Variants in CALR observed in about 807,000 individuals in gnomAD.
CALR encodes calreticulin, also known as CRP55.
In CALR, 15 loss-of-function variants were observed where a neutral mutation model predicts 51.1. That is an observed-to-expected ratio of 0.29 (90% CI 0.20 to 0.45). The LOEUF is 0.45. Among genes scored for constraint, CALR ranks in the 20% least tolerant of loss-of-function variants. CALR has a pLI of 1.00. For synonymous variants in CALR, 239 were observed against 205.9 expected (o/e 1.16, Z -1.38); for missense variants, 477 against 530.6 (o/e 0.90, Z 0.99).
At position 12,939,430 on chromosome 19, in the gene CALR, T is replaced by C; in HGVS notation, c.196T>C (p.Leu66=). ...ACCTCACTACCGTCCCGTCTCAGGT[T>C]TGCAGACAAGCCAGGATGCACGCTT... ...FYGDEEKDKG[L]QTSQDARFYA... The change falls in exon 3 of 9, where the codon TTG becomes CTG. Residue 66 remains leucine (L), a splice_region_variant and synonymous_variant. Transcript: ENST00000316448. The C allele has an allele frequency of 1.2e-6, 2 of 1,612,366 alleles. No homozygotes were observed. Among genetic ancestry groups the C allele is most frequent in the East Asian group, 4.5e-5 (2 of 44,884 alleles).
Position 12,944,198 on chromosome 19 carries a change from C to T in CALR, c.*285C>T, listed in dbSNP as rs1470440481. 5.7e-6 allele frequency: 3 copies of T among 527,686 alleles called. No individual in the cohort carries two copies. The highest frequency in any genetic ancestry group is 3.3e-5 in the Admixed American group (1 of 30,474). The allele number at this position is 527,686 out of a possible 1,614,324, so 32.7% of individuals were successfully genotyped here. A position where few individuals can be genotyped will look rare whatever the true frequency, so the allele number is the denominator to read the frequency against. On this transcript the variant is annotated 3_prime_UTR_variant, in exon 9 of 9. Transcript: ENST00000316448. ...CATCTTTTCTTGCCTCTGTCCCCTT[C>T]TCTCATCTCTTAGCTCCCCTCCAAC...
chr19:12,939,178 T>C lies in CALR; in HGVS notation c.136T>C (p.Phe46Leu). ...GATCGAATCCAAACACAAGTCAGAT[T>C]TTGGCAAATTCGTTCTCAGTTCCGG... is the stretch of plus-strand genomic sequence containing the variant. ...RWIESKHKSD[F>L]GKFVLSSGKF... The change falls in exon 2 of 9, where the codon TTT becomes CTT. Residue 46 changes from phenylalanine to leucine, a missense_variant. Physicochemically the swap from Phe to Leu is conservative, Grantham distance 22. Coordinates refer to ENST00000316448, the MANE Select transcript of CALR (RefSeq NM_004343.4). The C allele has an allele frequency of 6.2e-7, 1 of 1,612,118 alleles. No individual in the cohort carries two copies. The highest frequency in any genetic ancestry group is 1.3e-5 in the African/African-American group (1 of 74,972).
rs759720623 is a variant in CALR, at chr19:12,940,759, C to T, written c.832C>T (p.Arg278Trp). Residue 278 changes from arginine to tryptophan, a missense_variant, in exon 7 of 9, where the codon CGG (arginine) becomes TGG (tryptophan). Arg to Trp is a moderately radical substitution (Grantham distance 101). Coordinates refer to ENST00000316448, the MANE Select transcript of CALR (RefSeq NM_004343.4). ...CCTTCTGCAGGGTGAGTGGAAGCCCCGGCAGATCGACAACCCAGATTACAA... is the reference window on the plus strand; with the variant it reads ...CCTTCTGCAGGGTGAGTGGAAGCCCTGGCAGATCGACAACCCAGATTACAA... ...NPEYKGEWKPRQIDNPDYKGT... is the reference protein window; with the variant it reads ...NPEYKGEWKPWQIDNPDYKGT... The T allele has an allele frequency of 2.2e-5, 36 of 1,613,990 alleles. No individual in the cohort carries two copies. The highest frequency in any genetic ancestry group is 4.5e-5 in the East Asian group (2 of 44,890).
At chr19:12,942,482 G>C (rs1408306380) in intron 7 of CALR, among the ~76,000 whole-genome samples, 4 of 151,738 alleles carry the variant, frequency 2.6e-5, no homozygotes, top group African/African-American at 9.7e-5. Context: ...AAGAGAGTGA[G>C]AAACAAGAAA....
chr19:12,942,996 TC>T (rs1318985799), intron 7 of CALR, among the ~76,000 whole-genome samples: 1 of 151,252 alleles, frequency 6.6e-6, no homozygotes, highest in African/African-American at 2.4e-5. Context: ...CCTCAAGTGA[TC>T]CGTTCGCCAT....
rs745704546 is a variant in CALR at position 12,943,766 on chromosome 19, G to A, written c.1107G>A (p.Glu369=). The A allele has an allele frequency of 1.9e-6, 3 of 1,607,952 alleles. No homozygotes were observed. Among genetic ancestry groups the A allele is most frequent in the Admixed American group, 3.4e-5 (2 of 58,390 alleles). The stretch of plus-strand genomic sequence containing the variant: ...AGGACGAGGAGCAGAGGCTTAAGGA[G>A]GAGGAAGAAGACAAGAAACGCAAAG... ...DKQDEEQRLK[E]EEEDKKRKEE... Residue 369 remains glutamate, a synonymous_variant, in exon 9 of 9, where the codon GAG becomes GAA. Coordinates refer to ENST00000316448, the MANE Select transcript of CALR (RefSeq NM_004343.4).
chr19:12,943,656 CG>C, intron 8 of CALR, 27 bp downstream of exon 8: 2 of 1,613,890 alleles, frequency 1.2e-6, no homozygotes, highest in Non-Finnish European at 1.7e-6. Flanking sequence ...GTCCTGATGT[CG>C]GGGGCGGGCA....
intron 2 of CALR, 47 bp from the exon 3 acceptor site, chr19:12,939,381 C>G (rs990179903): frequency 1.3e-6 from 2 of 1,591,686 alleles, no homozygotes; most frequent in Non-Finnish European, 8.6e-7. Context: ...GTCGAGGGTC[C>G]TCGCGAGTCA....
intron 3 of CALR, 122 bp downstream of exon 3, chr19:12,939,753 C>A: frequency 1.2e-6 from 1 of 841,810 alleles, no homozygotes; most frequent in Non-Finnish European, 2.0e-6. Flanking sequence ...GTCCCAGCAA[C>A]AATTTATTGC....
intron 1 of CALR, 34 bp downstream of exon 1, chr19:12,938,804 C>G (rs1437169564): frequency 6.7e-7 from 1 of 1,495,140 alleles, no homozygotes. Flanking sequence ...GCCGCCCCGA[C>G]GACGCGGCCG....
In CALR at chr19:12,943,624, A is replaced by T. The variant is rs1971579401; in HGVS notation, c.1048A>T (p.Thr350Ser). 6.2e-7 allele frequency: 1 copy of T among 1,614,012 alleles called. No individual in the cohort carries two copies. Among genetic ancestry groups the T allele is most frequent in the African/African-American group, 1.3e-5 (1 of 74,894 alleles). Residue 350 changes from threonine to serine, a missense_variant, in exon 8 of 9, where the codon ACA becomes TCA. Transcript: ENST00000316448. ...GTTTGGCAACGAGACGTGGGGCGTA[A>T]CAAAGGTGAGGCCTGGTCCTGGTCC... The part of the protein sequence containing the change: ...EEFGNETWGV[T>S]KAAEKQMKDK...
At position 12,943,621 on chromosome 19, in the gene CALR, G is replaced by A. The variant is rs144233437; in HGVS notation, c.1045G>A (p.Val349Ile). 81 of 1,614,172 alleles carry A rather than the reference G, an allele frequency of 5.0e-5. 1 individual carries two copies. The African/African-American group carries it at 6.1e-4, about 12-fold the overall frequency. ...GGAGTTTGGCAACGAGACGTGGGGC[G>A]TAACAAAGGTGAGGCCTGGTCCTGG... ...AEEFGNETWG[V>I]TKAAEKQMKD... Residue 349 changes from valine to isoleucine, a missense_variant, in exon 8 of 9, where the codon GTA becomes ATA. Val to Ile is a conservative substitution (Grantham distance 29, BLOSUM62 3). Transcript: ENST00000316448.
At chr19:12,939,285 A>G in intron 2 of CALR, 50 bp downstream of exon 2, 1 of 1,458,582 alleles carries the variant, frequency 6.9e-7, no homozygotes, top group Non-Finnish European at 9.5e-7. Context: ...TCCTGGCAGA[A>G]GTCCTTGTCT....
intron 7 of CALR, 136 bp from the exon 8 acceptor site, chr19:12,943,401 T>C (rs1971574879): frequency 1.3e-6 from 1 of 783,034 alleles, no homozygotes; most frequent in Non-Finnish European, 2.2e-6. Flanking sequence ...TTAACTGCAG[T>C]GTCAGCGGTG....
rs765059081 is a variant in CALR, at chr19:12,943,820, T to G, written c.1161T>G (p.Asp387Glu). ...KEEEEAEDKE[D>E]DEDKDEDEED... ...AGGAGGAGGCAGAGGACAAGGAGGA[T>G]GATGAGGACAAAGATGAGGATGAGG... is the stretch of plus-strand genomic sequence containing the variant. Residue 387 changes from aspartate (D) to glutamate (E), a missense_variant, in exon 9 of 9, where the codon GAT becomes GAG. By Grantham distance (45) the Asp-to-Glu change is conservative. Transcript: ENST00000316448. 5 of 1,581,424 alleles carry G rather than the reference T, an allele frequency of 3.2e-6. No individual in the cohort carries two copies. The East Asian group carries it at 6.9e-5, about 22-fold the overall frequency.
Position 12,939,618 on chromosome 19 carries a change from C to T in CALR, c.384C>T (p.Tyr128=), listed in dbSNP as rs1406857186. 1.2e-6 allele frequency: 2 copies of T among 1,613,830 alleles called. No homozygotes were observed. Among genetic ancestry groups the T allele is most frequent in the South Asian group, 2.2e-5 (2 of 91,070 alleles). ...CAGACATGCACGGAGACTCAGAATA[C>T]AACATCATGTTTGGTGAGGGCCTGC... ...DQTDMHGDSE[Y]NIMFGPDICG... is the part of the protein sequence containing the mutation. The change falls in exon 3 of 9, where the codon TAC becomes TAT. Residue 128 remains tyrosine (Y), a synonymous_variant. Coordinates refer to ENST00000316448, the MANE Select transcript of CALR (RefSeq NM_004343.4).
rs768567178 is a variant in CALR, at chr19:12,939,135, C to T, written c.93C>T (p.Asp31=). The T allele has an allele frequency of 1.4e-5, 22 of 1,595,080 alleles. No homozygotes were observed. The East Asian group carries it at 3.4e-4, about 24-fold the overall frequency. Residue 31 remains aspartate, a splice_region_variant and synonymous_variant, in exon 2 of 9, where the codon GAC becomes GAT. Transcript: ENST00000316448. The part of the protein sequence containing the change: ...VYFKEQFLDG[D]GWTSRWIESK... The stretch of plus-strand genomic sequence containing the variant: ...CTACCCCTCTAATCCCCCACTTAGA[C>T]GGGTGGACTTCCCGCTGGATCGAAT...
At chr19:12,941,125 A>G (rs1971541284) in intron 7 of CALR, among the ~76,000 whole-genome samples, 1 of 152,152 alleles carries the variant, frequency 6.6e-6, no homozygotes, top group Admixed American at 6.6e-5. Context: ...CTTTACCCCC[A>G]AAGACCTAGA....
At position 12,942,999 on chromosome 19, in the gene CALR, G is replaced by A. The variant is rs144037356; in HGVS notation, c.961-538G>A. Among the ~76,000 whole-genome samples, 1,069 of 150,182 alleles carry A rather than the reference G, an allele frequency of 7.1e-3. 9 individuals are homozygous for A. The highest frequency in any genetic ancestry group is 0.024 in the African/African-American group (982 of 40,766). On this transcript the variant is annotated intron_variant, in intron 7 of 8. Coordinates refer to ENST00000316448, the MANE Select transcript of CALR (RefSeq NM_004343.4). ...TCGAACTCCTGGCCTCAAGTGATCC[G>A]TTCGCCATGACCTCCCAAAGTGCTG... is the stretch of plus-strand genomic sequence containing the variant.
Sources: gnomAD v4.1 joint callset for allele counts (sites outside exome capture counted in the v4.1 genomes callset) on GRCh38, gnomAD v4.1.1 for gene constraint, MANE v1.5 for transcripts, NCBI Gene and HGNC (gene_info 2026-07-23, HGNC 2026-07-21) for gene names.